Variants in TEX48 observed in about 807,000 individuals in gnomAD.
TEX48 encodes the protein testis-expressed protein 48.
A neutral mutation model predicts 13.2 loss-of-function variants in TEX48; 10 were observed. The observed-to-expected ratio is 0.75, with a 90% CI of 0.47 to 1.28. The LOEUF (loss-of-function observed/expected upper bound fraction) is 1.28. Ranked by LOEUF, TEX48 falls within the 50% of genes most tolerant of loss-of-function variation. The pLI is 0.00. For synonymous variants in TEX48, 45 were observed against 52.3 expected (o/e 0.86, Z 0.60); for missense variants, 116 against 139.4 (o/e 0.83, Z 0.84).
intron 3 of TEX48, 77 bp downstream of exon 3, chr9:114,671,306 G>T (rs1827941437): frequency 8.1e-6 from 12 of 1,489,644 alleles, no homozygotes; most frequent in African/African-American, 1.4e-5. Flanking sequence ...AGGCAGTTTG[G>T]GGGTATCCCA....
At chr9:114,673,420 G>A (rs568711303) in intron 1 of TEX48, among the ~76,000 whole-genome samples, 32 of 140,982 alleles carry the variant, frequency 2.3e-4, no homozygotes, top group African/African-American at 7.3e-4. Flanking sequence ...GTGGTGAGCC[G>A]AGATCACGCC....
chr9:114,677,201 A>G (rs992895903), intron 1 of TEX48, among the ~76,000 whole-genome samples: 15 of 151,708 alleles, frequency 9.9e-5, no homozygotes, highest in African/African-American at 3.1e-4. Context: ...TCCAATCTCC[A>G]ATAGTCTTTT....
intron 1 of TEX48, among the ~76,000 whole-genome samples, chr9:114,680,120 C>CTTT (rs2079145442): frequency 1.5e-4 from 8 of 52,124 alleles, no homozygotes; most frequent in African/African-American, 4.0e-4. Flanking sequence ...TGTCATTGTC[C>CTTT]CTTTTTTTTT....
intron 1 of TEX48, among the ~76,000 whole-genome samples, chr9:114,679,795 C>G (rs1295638822): frequency 6.6e-6 from 1 of 152,126 alleles, no homozygotes; most frequent in African/African-American, 2.4e-5. Flanking sequence ...ATTTAAAGTG[C>G]CTTTTTTCCC....
Position 114,666,511 on chromosome 9 carries a change from G to T in TEX48, c.*132C>A. On this transcript the variant is annotated 3_prime_UTR_variant, in exon 5 of 5. Coordinates refer to ENST00000436752, the MANE Select transcript of TEX48 (RefSeq NM_001199233.2). ...TTAGGAGCTGGAGTGACTCTTGCTT[G>T]GTGGCACAAGGATGGCTCAGATGTC... 3.5e-6 allele frequency: 2 copies of T among 574,820 alleles called. No homozygotes were observed. The highest frequency in any genetic ancestry group is 3.0e-6 in the Non-Finnish European group (1 of 332,138). 35.6% of individuals were successfully genotyped at this position (574,820 alleles called of 1,614,324 possible).
chr9:114,678,318 G>A (rs1299028819), intron 1 of TEX48, among the ~76,000 whole-genome samples: 3 of 152,116 alleles, frequency 2.0e-5, no homozygotes, highest in African/African-American at 7.2e-5. Flanking sequence ...TTTTCAGGGA[G>A]CATTTTTCTA....
At chr9:114,673,333 G>T (rs1827982402) in intron 1 of TEX48, among the ~76,000 whole-genome samples, 1 of 151,968 alleles carries the variant, frequency 6.6e-6, no homozygotes, top group East Asian at 1.9e-4. Flanking sequence ...CTAGCTGGGT[G>T]TGTGGCACAT....
chr9:114,679,935 T>A (rs1263620447), intron 1 of TEX48, among the ~76,000 whole-genome samples: 1 of 151,776 alleles, frequency 6.6e-6, no homozygotes. Flanking sequence ...ATTAGGGGAG[T>A]CTGCACCATT....
At chr9:114,681,405 C>T (rs531181675) in intron 1 of TEX48, among the ~76,000 whole-genome samples, 1 of 152,270 alleles carries the variant, frequency 6.6e-6, no homozygotes, top group East Asian at 1.9e-4. Context: ...GTTACAAGCA[C>T]ATTCTCTGGG....
At chr9:114,667,720 G>A (rs1440791079) in intron 4 of TEX48, among the ~76,000 whole-genome samples, 2 of 152,064 alleles carry the variant, frequency 1.3e-5, no homozygotes, top group Non-Finnish European at 2.9e-5. Flanking sequence ...CCAACATGGT[G>A]AAACCCTTTT....
In TEX48 at chr9:114,668,273, A is replaced by G. The variant is rs1392636139; in HGVS notation, c.192T>C (p.His64=). 2 of 1,535,610 alleles carry G rather than the reference A, an allele frequency of 1.3e-6. No individual in the cohort carries two copies. The highest frequency in any genetic ancestry group is 8.7e-7 in the Non-Finnish European group (1 of 1,146,846). ...QNPKRINAVS[H]LPSRTPLIQT... ...GGATCAGGGGTGTTCTCGAAGGCAA[A>G]TGGGAGACTGCGTTAATGCGCTTGG... Residue 64 remains histidine (H), a synonymous_variant, in exon 4 of 5, where the codon CAT becomes CAC. Transcript: ENST00000436752.
At chr9:114,676,697 T>C (rs1342111323) in intron 1 of TEX48, among the ~76,000 whole-genome samples, 1 of 151,402 alleles carries the variant, frequency 6.6e-6, no homozygotes, top group Non-Finnish European at 1.5e-5. Context: ...TCTCACTTCG[T>C]GCTCCGCCTC....
At chr9:114,671,320 G>A in intron 3 of TEX48, 63 bp downstream of exon 3, 1 of 1,518,224 alleles carries the variant, frequency 6.6e-7, no homozygotes, top group Non-Finnish European at 8.8e-7. Flanking sequence ...TATCCCAGCA[G>A]GCAGAGAGTG....
intron 3 of TEX48, among the ~76,000 whole-genome samples, chr9:114,669,872 C>G (rs1386393549): frequency 6.6e-6 from 1 of 152,194 alleles, no homozygotes; most frequent in Non-Finnish European, 1.5e-5. Context: ...CTGTGCCCGG[C>G]CCAGATTTTG....
rs1245408888 is a variant in TEX48, at chr9:114,674,588, CTTT to C, written c.-104-2764_-104-2762del. ...TTTTTTCTTTTCTTTCTTTTTTTCT[CTTT>C]TCTCTTTTTCTTTCCTTCCTTCCTT... On this transcript the variant is annotated intron_variant, in intron 1 of 4. Transcript: ENST00000436752. Among the ~76,000 whole-genome samples, 76 of 131,034 alleles carry C rather than the reference CTTT, an allele frequency of 5.8e-4. 2 individuals are homozygous for C. The highest frequency in any genetic ancestry group is 1.1e-3 in the African/African-American group (37 of 33,670). The allele number at this position is 131,034 out of a possible 152,430, so 86.0% of individuals were successfully genotyped here.
In TEX48 at chr9:114,678,798, T is replaced by C. The variant is rs1448725154; in HGVS notation, c.-105+3237A>G. On this transcript the variant is annotated intron_variant, in intron 1 of 4. Transcript: ENST00000436752. Reference sequence around the variant, plus strand: ...TCAAGACTTCAGTGAGCTATAATCATGCCACTGCACTCCAGCCCAGGCAAC... The same window carrying C: ...TCAAGACTTCAGTGAGCTATAATCACGCCACTGCACTCCAGCCCAGGCAAC... Among the ~76,000 whole-genome samples, 6 of 141,830 alleles carry C rather than the reference T, an allele frequency of 4.2e-5. No homozygotes were observed. In the East Asian group the frequency reaches 1.3e-3, roughly 30 times the overall value. The allele number at this position is 141,830 out of a possible 152,430, so 93.0% of individuals were successfully genotyped here.
intron 1 of TEX48, among the ~76,000 whole-genome samples, chr9:114,681,321 T>G (rs1828196511): frequency 6.6e-6 from 1 of 152,178 alleles, no homozygotes; most frequent in Non-Finnish European, 1.5e-5. Flanking sequence ...CCTCTAAGTG[T>G]TGACAGCAGA....
intron 4 of TEX48, among the ~76,000 whole-genome samples, chr9:114,667,135 T>C (rs1827855921): frequency 6.6e-6 from 1 of 152,148 alleles, no homozygotes; most frequent in Non-Finnish European, 1.5e-5. Context: ...GGCGAGCTAG[T>C]GGGGTTCCTA....
At position 114,671,460 on chromosome 9, in the gene TEX48, C is replaced by A; in HGVS notation, c.50G>T (p.Arg17Met). 1 of 1,535,536 alleles carries A rather than the reference C, an allele frequency of 6.5e-7. No homozygotes were observed. Among genetic ancestry groups the A allele is most frequent in the South Asian group, 1.2e-5 (1 of 84,026 alleles). Reference sequence around the variant, plus strand: ...GATGGCATAGGGCTCCTGACAGTCCCTGCAGCATAAACAGAAGATCTTCAA... The same window carrying A: ...GATGGCATAGGGCTCCTGACAGTCCATGCAGCATAAACAGAAGATCTTCAA... ...LILKIFCLCCRDCQEPYAIND... is the reference protein window; with the variant it reads ...LILKIFCLCCMDCQEPYAIND... Residue 17 changes from arginine to methionine, a missense_variant, in exon 3 of 5, where the codon AGG (arginine) becomes ATG (methionine). Transcript: ENST00000436752.
Sources: allele counts gnomAD v4.1 joint callset (sites outside exome capture counted in the v4.1 genomes callset), GRCh38; gene constraint gnomAD v4.1.1; transcripts MANE v1.5; gene names NCBI Gene and HGNC (gene_info 2026-07-23, HGNC 2026-07-21).